The following ATP2C2 variants were observed in gnomAD, a reference collection of about 807,000 sequenced individuals.
The protein encoded by ATP2C2 is calcium-transporting ATPase type 2C member 2.
A neutral mutation model predicts 110.8 loss-of-function variants in ATP2C2; 171 were observed. That is an observed-to-expected ratio of 1.54 (90% CI 1.36 to 1.75). The LOEUF is 1.75. ATP2C2 is among the 40% of genes most tolerant of loss of function. The pLI, the probability that ATP2C2 is intolerant of heterozygous loss-of-function variation, is 0.00. For synonymous variants in ATP2C2, 804 were observed against 508.4 expected (o/e 1.58, Z -7.82); for missense variants, 1,963 against 1,235.0 (o/e 1.59, Z -8.84).
chr16:84,445,485 G>A (rs1033193656), intron 15 of ATP2C2, among the ~76,000 whole-genome samples: 3 of 152,176 alleles, frequency 2.0e-5, no homozygotes, highest in African/African-American at 7.2e-5. Context: ...TGGGATTACA[G>A]GCATGAGCCA....
At chr16:84,400,094 A>T (rs1223253303) in intron 2 of ATP2C2, among the ~76,000 whole-genome samples, 2 of 152,248 alleles carry the variant, frequency 1.3e-5, no homozygotes, top group East Asian at 1.9e-4. Flanking sequence ...AAATGACAGG[A>T]TCTCATTCTT....
At chr16:84,376,520 A>G (rs77232691) in intron 1 of ATP2C2, among the ~76,000 whole-genome samples, 4,110 of 147,472 alleles carry the variant, frequency 0.028, 83 homozygotes, top group Non-Finnish European at 0.041. Flanking sequence ...ACACATTATG[A>G]GATTTTTTTT....
chr16:84,441,091 C>T, intron 14 of ATP2C2, 133 bp downstream of exon 14: 2 of 766,628 alleles, frequency 2.6e-6, no homozygotes, highest in Middle Eastern at 5.3e-4. Context: ...GTGAGGCTGG[C>T]ACAGCACTGA....
Position 84,460,633 on chromosome 16 carries a change from T to A in ATP2C2, c.2334-21T>A, listed in dbSNP as rs199715817. ...TTCATTCCTGGTTCATTTCAAAGTGTCTGTGTCTTGTTCGGAGCAGCTTGG... is the reference window on the plus strand; with the variant it reads ...TTCATTCCTGGTTCATTTCAAAGTGACTGTGTCTTGTTCGGAGCAGCTTGG... On this transcript the variant is annotated intron_variant, in intron 23 of 26. Transcript: ENST00000262429. 31 of 1,614,126 alleles carry A rather than the reference T, an allele frequency of 1.9e-5. No individual in the cohort carries two copies. In the East Asian group the frequency reaches 5.1e-4, roughly 27 times the overall value.
In ATP2C2 at chr16:84,396,679, G is replaced by A. The variant is rs184396852; in HGVS notation, c.100-1820G>A. ...CAGCCTGCCTCCACCTGTGGTGTGC[G>A]CAAGAATCAAGCACTTTATTTGGTA... On this transcript the variant is annotated intron_variant, in intron 1 of 26. Transcript: ENST00000262429. 6.6e-5 allele frequency among the ~76,000 whole-genome samples: 10 copies of A among 151,910 alleles called. No homozygotes were observed. In the South Asian group the frequency reaches 8.3e-4, roughly 13 times the overall value.
intron 2 of ATP2C2, among the ~76,000 whole-genome samples, chr16:84,399,393 A>G (rs1228029159): frequency 1.3e-5 from 2 of 152,204 alleles, no homozygotes; most frequent in Admixed American, 6.5e-5. Context: ...TTCTTTCACT[A>G]TTCAAAAGAA....
At chr16:84,461,305 G>A (rs562113631) in intron 24 of ATP2C2, 15 of 295,886 alleles carry the variant, frequency 5.1e-5, no homozygotes, top group South Asian at 4.7e-4. Flanking sequence ...TGCAGGAAGC[G>A]GGAGGGGACC....
chr16:84,439,917 C>G (rs1909091289), intron 13 of ATP2C2, among the ~76,000 whole-genome samples: 1 of 152,170 alleles, frequency 6.6e-6, no homozygotes. Context: ...TCACTGTAAC[C>G]TTCACTTCTC....
intron 1 of ATP2C2, among the ~76,000 whole-genome samples, chr16:84,384,757 G>A (rs534200103): frequency 1.3e-5 from 2 of 152,278 alleles, no homozygotes; most frequent in Non-Finnish European, 2.9e-5. Flanking sequence ...CTGCTATAAA[G>A]AAATACCTGA....
intron 23 of ATP2C2, chr16:84,459,981 G>A (rs894113445): frequency 3.2e-5 from 8 of 250,152 alleles, no homozygotes; most frequent in Admixed American, 1.9e-4. Flanking sequence ...TTTGGAGTCA[G>A]GGGACCCATC....
rs1243536416 is a variant in ATP2C2 at position 84,460,816 on chromosome 16, C to A, written c.2481+15C>A. ...TCTGGAAGGAGGTGAGCGAGGGTCACCCCGGCCTGTTCTCCAAGCCCTGGT... is the reference window on the plus strand; with the variant it reads ...TCTGGAAGGAGGTGAGCGAGGGTCAACCCGGCCTGTTCTCCAAGCCCTGGT... On this transcript the variant is annotated intron_variant, in intron 24 of 26. Coordinates refer to ENST00000262429, the MANE Select transcript of ATP2C2 (RefSeq NM_014861.4). The A allele has an allele frequency of 6.2e-7, 1 of 1,602,146 alleles. No individual in the cohort carries two copies. Among genetic ancestry groups the A allele is most frequent in the South Asian group, 1.1e-5 (1 of 89,640 alleles).
intron 4 of ATP2C2, among the ~76,000 whole-genome samples, 170 bp from the exon 5 acceptor site, chr16:84,410,398 A>G (rs994858034): frequency 4.6e-5 from 7 of 152,186 alleles, no homozygotes; most frequent in African/African-American, 1.7e-4. Context: ...AGATAGTGTC[A>G]ATTTTTTCCT....
At position 84,463,811 on chromosome 16, in the gene ATP2C2, G is replaced by C. The variant is rs1911648619; in HGVS notation, c.*79G>C. 2.3e-6 allele frequency: 3 copies of C among 1,304,014 alleles called. No homozygotes were observed. Among genetic ancestry groups the C allele is most frequent in the Non-Finnish European group, 3.3e-6 (3 of 906,222 alleles). The allele number at this position is 1,304,014 out of a possible 1,614,324, so 80.8% of individuals were successfully genotyped here. On this transcript the variant is annotated 3_prime_UTR_variant, in exon 27 of 27. Coordinates refer to ENST00000262429, the MANE Select transcript of ATP2C2 (RefSeq NM_014861.4). The stretch of plus-strand genomic sequence containing the variant: ...GGCCCCTGCCGTGTCTCCTCGTCAG[G>C]GGAGACTTTTAGGAGGCCGCAGCCT...
At chr16:84,431,092 G>A (rs1908238917) in intron 11 of ATP2C2, among the ~76,000 whole-genome samples, 2 of 152,224 alleles carry the variant, frequency 1.3e-5, no homozygotes, top group South Asian at 4.2e-4. Context: ...CCCTCCTGGA[G>A]TTTTCTGGCT....
intron 1 of ATP2C2, among the ~76,000 whole-genome samples, chr16:84,384,957 G>A (rs552446172): frequency 1.3e-3 from 202 of 152,356 alleles, no homozygotes; most frequent in African/African-American, 2.7e-3. Flanking sequence ...GCTGAGGCAG[G>A]AGTATAGTTT....
At chr16:84,439,048 C>T in intron 11 of ATP2C2, 118 bp from the exon 12 acceptor site, 1 of 1,450,308 alleles carries the variant, frequency 6.9e-7, no homozygotes, top group Non-Finnish European at 9.4e-7. Context: ...GAGACTAGAA[C>T]CAGGACACTG....
chr16:84,373,138 C>G (rs765010020), intron 1 of ATP2C2, among the ~76,000 whole-genome samples: 1 of 134,438 alleles, frequency 7.4e-6, no homozygotes, highest in Non-Finnish European at 1.7e-5. Flanking sequence ...AAAAAAAAGT[C>G]AAATTTATAA....
intron 15 of ATP2C2, among the ~76,000 whole-genome samples, chr16:84,443,727 A>G (rs1230811528): frequency 6.6e-6 from 1 of 152,094 alleles, no homozygotes; most frequent in Non-Finnish European, 1.5e-5. Context: ...GCCTTCTGTT[A>G]TCAGCTTACC....
intron 1 of ATP2C2, among the ~76,000 whole-genome samples, chr16:84,377,336 G>C (rs1349465726): frequency 2.0e-5 from 3 of 152,146 alleles, no homozygotes. Context: ...CTGGAAGGTG[G>C]AGTGGGCCGG....
Sources: gnomAD v4.1 joint callset for allele counts (sites outside exome capture counted in the v4.1 genomes callset) on GRCh38, gnomAD v4.1.1 for gene constraint, MANE v1.5 for transcripts, NCBI Gene and HGNC (gene_info 2026-07-23, HGNC 2026-07-21) for gene names.